The following CHST8 variants were observed in gnomAD, a reference collection of about 807,000 sequenced individuals.
CHST8 encodes carbohydrate sulfotransferase 8.
In CHST8, 10 loss-of-function variants were observed where a neutral mutation model predicts 15.0. The ratio of observed to expected loss-of-function variants is 0.67; its 90% CI spans 0.41 to 1.13. The LOEUF (loss-of-function observed/expected upper bound fraction) is 1.13. CHST8 is among the 50% of genes most tolerant of loss of function. CHST8 has a pLI of 0.00. For synonymous variants in CHST8, 259 were observed against 256.6 expected, an observed-to-expected ratio of 1.01 and a Z score of -0.09; for missense variants, 634 against 608.2, an observed-to-expected ratio of 1.04 and a Z score of -0.45.
rs1251047123 is a variant in CHST8 at position 33,705,366 on chromosome 19, C to T, written c.130+15975C>T. ...CCAGATACCTGTTCACTGTTCAGGTCAGGCAGGGGACCTGAGGGGTCGGGG... is the reference window on the plus strand; with the variant it reads ...CCAGATACCTGTTCACTGTTCAGGTTAGGCAGGGGACCTGAGGGGTCGGGG... On this transcript the variant is annotated intron_variant, in intron 3 of 4. Coordinates refer to ENST00000650847, the MANE Select transcript of CHST8 (RefSeq NM_001127895.2). Among the ~76,000 whole-genome samples, 4 of 152,198 alleles carry T rather than the reference C, an allele frequency of 2.6e-5. No individual in the cohort carries two copies. The East Asian group carries it at 7.7e-4, about 29-fold the overall frequency.
intron 3 of CHST8, among the ~76,000 whole-genome samples, chr19:33,743,199 A>G (rs943030834): frequency 1.1e-4 from 16 of 152,052 alleles, no homozygotes; most frequent in Admixed American, 9.8e-4. Flanking sequence ...TCTTCTAGGC[A>G]GTAGTGGATT....
At chr19:33,769,543 G>C (rs967012648) in intron 3 of CHST8, among the ~76,000 whole-genome samples, 2 of 152,292 alleles carry the variant, frequency 1.3e-5, no homozygotes, top group East Asian at 1.9e-4. Context: ...GGCTGCGGGA[G>C]AGAAAGGAGC....
chr19:33,691,397 G>T (rs1039412072), intron 3 of CHST8, among the ~76,000 whole-genome samples: 4 of 152,322 alleles, frequency 2.6e-5, no homozygotes, highest in Admixed American at 6.5e-5. Flanking sequence ...GACGGTCTGG[G>T]TAAATCACAC....
chr19:33,659,302 T>C (rs1972554456), intron 1 of CHST8, among the ~76,000 whole-genome samples: 1 of 152,090 alleles, frequency 6.6e-6, no homozygotes, highest in Non-Finnish European at 1.5e-5. Context: ...TAACCTCAGG[T>C]GATCCACCTT....
intron 2 of CHST8, among the ~76,000 whole-genome samples, chr19:33,683,826 G>A (rs757489527): frequency 2.6e-5 from 4 of 152,206 alleles, no homozygotes; most frequent in Admixed American, 6.5e-5. Context: ...GGCTGTCACC[G>A]CGATGGTGCT....
chr19:33,628,559 G>A (rs1466695225), intron 1 of CHST8, among the ~76,000 whole-genome samples: 3 of 152,204 alleles, frequency 2.0e-5, no homozygotes, highest in Non-Finnish European at 1.5e-5. Flanking sequence ...GTTGAAACCA[G>A]TGTGTGATGT....
chr19:33,718,956 T>C (rs1973723262), intron 3 of CHST8, among the ~76,000 whole-genome samples: 1 of 152,036 alleles, frequency 6.6e-6, no homozygotes, highest in African/African-American at 2.4e-5. Flanking sequence ...CTCCAGGTCT[T>C]GCTCTGCACT....
At chr19:33,624,764 T>G (rs1460869091) in intron 1 of CHST8, among the ~76,000 whole-genome samples, 2 of 152,202 alleles carry the variant, frequency 1.3e-5, no homozygotes, top group African/African-American at 2.4e-5. Flanking sequence ...TTTGTGGTTT[T>G]GCTGATGGAA....
At chr19:33,629,560 C>T (rs759615681) in intron 1 of CHST8, among the ~76,000 whole-genome samples, 3 of 152,246 alleles carry the variant, frequency 2.0e-5, no homozygotes, top group Non-Finnish European at 4.4e-5. Flanking sequence ...GCCCTATCTA[C>T]CAGGCTCTGT....
intron 3 of CHST8, among the ~76,000 whole-genome samples, chr19:33,768,108 GAT>G (rs1176505934): frequency 1.3e-5 from 2 of 152,192 alleles, no homozygotes; most frequent in African/African-American, 4.8e-5. Flanking sequence ...CCTGCCCCAG[GAT>G]ACCTAAGGTT....
chr19:33,655,765 TG>T (rs1162106612), intron 1 of CHST8, among the ~76,000 whole-genome samples: 1 of 152,172 alleles, frequency 6.6e-6, no homozygotes, highest in Non-Finnish European at 1.5e-5. Context: ...TTATTAATGT[TG>T]TTTTTTTTCT....
At position 33,773,207 on chromosome 19, in the gene CHST8, G is replaced by C; in HGVS notation, c.*144G>C. The C allele has an allele frequency of 1.0e-6, 1 of 995,508 alleles. No individual in the cohort carries two copies. Among genetic ancestry groups the C allele is most frequent in the Non-Finnish European group, 1.4e-6 (1 of 699,672 alleles). 61.7% of individuals were successfully genotyped at this position (995,508 alleles called of 1,614,324 possible). On this transcript the variant is annotated 3_prime_UTR_variant, in exon 5 of 5. Coordinates refer to ENST00000650847, the MANE Select transcript of CHST8 (RefSeq NM_001127895.2). ...ATCGCTGTGGGAGGCAGCAGGCCCC[G>C]GGTGGGGGGCAGAGGCGCCCAGCCT...
At chr19:33,645,706 G>A (rs974047109) in intron 1 of CHST8, among the ~76,000 whole-genome samples, 1 of 152,184 alleles carries the variant, frequency 6.6e-6, no homozygotes, top group African/African-American at 2.4e-5. Flanking sequence ...ATATTTGGTT[G>A]GATATACAAG....
chr19:33,683,678 C>T (rs908413911), intron 2 of CHST8, among the ~76,000 whole-genome samples: 8 of 152,208 alleles, frequency 5.3e-5, no homozygotes, highest in African/African-American at 7.2e-5. Flanking sequence ...GCTCATTCAA[C>T]GTGCAGCAGA....
intron 1 of CHST8, among the ~76,000 whole-genome samples, chr19:33,650,500 TC>T (rs1972424832): frequency 1.6e-5 from 2 of 124,556 alleles, no homozygotes; most frequent in South Asian, 2.6e-4. Flanking sequence ...CTTTTCTTTT[TC>T]TTTTTCTTTT....
intron 2 of CHST8, among the ~76,000 whole-genome samples, chr19:33,677,845 C>T (rs145629593): frequency 8.5e-5 from 13 of 152,338 alleles, no homozygotes; most frequent in African/African-American, 3.1e-4. Context: ...AGAGATGAGA[C>T]TGGGCACGGG....
At chr19:33,741,533 A>G (rs375231904) in intron 3 of CHST8, among the ~76,000 whole-genome samples, 1 of 152,142 alleles carries the variant, frequency 6.6e-6, no homozygotes, top group African/African-American at 2.4e-5. Context: ...TAGCAAATAT[A>G]CCATCATCCC....
Position 33,773,379 on chromosome 19 carries a change from C to A in CHST8, c.*316C>A. On this transcript the variant is annotated 3_prime_UTR_variant, in exon 5 of 5. Transcript: ENST00000650847. ...GAGGCCCAGAGGACGGGGGGCCCAG[C>A]GGTAAGGGATGTCCCGCACTCCCTT... is the stretch of plus-strand genomic sequence containing the variant. The A allele has an allele frequency of 2.5e-6, 1 of 400,624 alleles. No homozygotes were observed. The highest frequency in any genetic ancestry group is 4.5e-6 in the Non-Finnish European group (1 of 221,950). 24.8% of individuals were successfully genotyped at this position (400,624 alleles called of 1,614,324 possible). A position where few individuals can be genotyped will look rare whatever the true frequency, so the allele number is the denominator to read the frequency against.
chr19:33,687,326 C>T (rs567169346), intron 2 of CHST8, among the ~76,000 whole-genome samples: 28 of 152,356 alleles, frequency 1.8e-4, no homozygotes, highest in African/African-American at 5.5e-4. Flanking sequence ...GCCCCAGCCC[C>T]GCACAAGGGG....
Sources: gnomAD v4.1 joint callset for allele counts (sites outside exome capture counted in the v4.1 genomes callset) on GRCh38, gnomAD v4.1.1 for gene constraint, MANE v1.5 for transcripts, NCBI Gene and HGNC (gene_info 2026-07-23, HGNC 2026-07-21) for gene names.